Variants in C10orf90 observed in about 807,000 individuals in gnomAD.
C10orf90 encodes the protein chromosome 10 open reading frame 90.
A neutral mutation model predicts 62.5 loss-of-function variants in C10orf90; 56 were observed. The ratio of observed to expected loss-of-function variants is 0.90; its 90% confidence interval spans 0.72 to 1.12. The LOEUF is 1.12. Among genes scored for constraint, C10orf90 ranks in the 50% most tolerant of loss-of-function variants. The probability of loss-of-function intolerance (pLI) is 0.00; values close to 1 mark genes in which losing one functional copy is unlikely to be tolerated. For synonymous variants in C10orf90, 386 were observed against 340.4 expected, an observed-to-expected ratio of 1.13 and a Z score of -1.47; for missense variants, 970 against 880.4, an observed-to-expected ratio of 1.10 and a Z score of -1.29.
chr10:126,471,377 G>A (rs1172816466), intron 4 of C10orf90, among the ~76,000 whole-genome samples: 3 of 152,186 alleles, frequency 2.0e-5, no homozygotes, highest in East Asian at 1.9e-4. Flanking sequence ...TGCTATAAAC[G>A]TCAACCATTA....
At chr10:126,443,131 C>A (rs1271300215) in intron 7 of C10orf90, among the ~76,000 whole-genome samples, 1 of 151,956 alleles carries the variant, frequency 6.6e-6, no homozygotes, top group African/African-American at 2.4e-5. Context: ...ACAAATCAAA[C>A]CCCAACCCAG....
At chr10:126,625,533 C>T (rs1425651315) in intron 2 of C10orf90, among the ~76,000 whole-genome samples, 2 of 152,124 alleles carry the variant, frequency 1.3e-5, no homozygotes, top group Non-Finnish European at 2.9e-5. Flanking sequence ...GCACTCCTGC[C>T]CCCCTTCTCC....
At chr10:126,637,348 A>C (rs1457140789) in intron 2 of C10orf90, among the ~76,000 whole-genome samples, 1 of 152,170 alleles carries the variant, frequency 6.6e-6, no homozygotes, top group African/African-American at 2.4e-5. Flanking sequence ...TGCCCCACCC[A>C]GACTTCATCC....
At position 126,504,410 on chromosome 10, in the gene C10orf90, T is replaced by C. The variant is rs1564839969; in HGVS notation, c.1081A>G (p.Ile361Val). 1.2e-6 allele frequency: 2 copies of C among 1,614,152 alleles called. No individual in the cohort carries two copies. Among genetic ancestry groups the C allele is most frequent in the East Asian group, 2.2e-5 (1 of 44,870 alleles). ...LRVSQQCPDS[I>V]YYVDKSLSVP... ...GAGAGAGACTTGTCTACGTAATAGA[T>C]TGAATCTGGACACTGCTGAGACACC... The change falls in exon 4 of 10, where the codon ATC (isoleucine) becomes GTC (valine). Residue 361 changes from isoleucine (I) to valine (V), a missense_variant. By Grantham distance (29) the Ile-to-Val change is conservative (BLOSUM62 3). Coordinates refer to ENST00000488181, the MANE Select transcript of C10orf90 (RefSeq NM_001350921.2). This position sits in a 1 kb window ranked among gnomAD's most constrained non-coding sequence, Gnocchi z 4.1.
chr10:126,601,967 T>C (rs1264541656), intron 2 of C10orf90, among the ~76,000 whole-genome samples: 1 of 152,202 alleles, frequency 6.6e-6, no homozygotes. Context: ...GTCCTAAAGA[T>C]GAATAAACAG....
At chr10:126,506,993 C>A (rs1207261895) in intron 3 of C10orf90, among the ~76,000 whole-genome samples, 2 of 151,774 alleles carry the variant, frequency 1.3e-5, no homozygotes, top group African/African-American at 4.8e-5. Flanking sequence ...TCCTCAGAGT[C>A]AGGCATGGGA....
chr10:126,461,419 T>C lies in C10orf90; in HGVS notation c.1992A>G (p.Ala664=), dbSNP rs1034150512. 3.3e-5 allele frequency: 54 copies of C among 1,613,948 alleles called. No homozygotes were observed. Among genetic ancestry groups the C allele is most frequent in the Non-Finnish European group, 4.0e-5 (47 of 1,179,982 alleles). The change falls in exon 6 of 10, where the codon GCA becomes GCG. Residue 664 remains alanine, a synonymous_variant. Transcript: ENST00000488181. ...EDCSESQQTP[A]RSLTLQEALE... ...GCCTTACTTGCAAGGTCAAAGATCT[T>C]GCAGGCGTTTGCTGAGACTCAGAAC...
chr10:126,619,363 G>A (rs775412340), intron 2 of C10orf90, among the ~76,000 whole-genome samples: 9 of 152,156 alleles, frequency 5.9e-5, no homozygotes, highest in Non-Finnish European at 8.8e-5. Context: ...AGCACTGACC[G>A]CTCAACAGTT....
chr10:126,658,435 G>C (rs962444953), intron 1 of C10orf90, among the ~76,000 whole-genome samples: 1 of 152,186 alleles, frequency 6.6e-6, no homozygotes, highest in Non-Finnish European at 1.5e-5. Context: ...CAGTTGAGTT[G>C]TTGTTTGCAG....
At chr10:126,633,178 A>C (rs2133832421) in intron 2 of C10orf90, among the ~76,000 whole-genome samples, 1 of 152,312 alleles carries the variant, frequency 6.6e-6, no homozygotes, top group South Asian at 2.1e-4. Context: ...CAGGTTCTGC[A>C]GGCATTTTCC....
At chr10:126,528,285 T>A (rs1864002746) in intron 2 of C10orf90, among the ~76,000 whole-genome samples, 1 of 152,052 alleles carries the variant, frequency 6.6e-6, no homozygotes, top group Non-Finnish European at 1.5e-5. Context: ...AAGAGAGAGA[T>A]AATACTTACC....
At chr10:126,612,213 C>T (rs1057247076) in intron 2 of C10orf90, among the ~76,000 whole-genome samples, 5 of 152,096 alleles carry the variant, frequency 3.3e-5, no homozygotes, top group Admixed American at 6.5e-5. Context: ...CCCAGCTACT[C>T]GGGTGGCTGA....
intron 2 of C10orf90, among the ~76,000 whole-genome samples, chr10:126,630,452 GC>G (rs1302386246): frequency 2.0e-5 from 3 of 152,170 alleles, no homozygotes; most frequent in Non-Finnish European, 2.9e-5. Flanking sequence ...GGGGTCCTGG[GC>G]TTGGCGATGG....
At chr10:126,654,335 A>T (rs1024052017) in intron 1 of C10orf90, among the ~76,000 whole-genome samples, 14 of 152,212 alleles carry the variant, frequency 9.2e-5, no homozygotes, top group African/African-American at 3.1e-4. Flanking sequence ...TTTTCTGGAT[A>T]ACTTGCAGCA....
At chr10:126,465,023 A>G (rs761234593) in intron 4 of C10orf90, 37 bp from the exon 5 acceptor site, 2 of 1,581,896 alleles carry the variant, frequency 1.3e-6, no homozygotes, top group Non-Finnish European at 1.7e-6. Flanking sequence ...AAAATCTCTT[A>G]TGAATCCAAT....
At chr10:126,638,078 T>C (rs1845987794) in intron 2 of C10orf90, among the ~76,000 whole-genome samples, 3 of 152,126 alleles carry the variant, frequency 2.0e-5, no homozygotes, top group Admixed American at 1.3e-4. Flanking sequence ...AACAGCGGTG[T>C]CGTTGCTGAC....
intron 2 of C10orf90, among the ~76,000 whole-genome samples, chr10:126,525,047 T>C (rs1865906): frequency 0.065 from 9,879 of 152,234 alleles, 1,049 homozygotes; most frequent in African/African-American, 0.22. Flanking sequence ...CAGAAAGAGA[T>C]GCCACCCTCA....
chr10:126,593,419 A>G (rs1050119112), intron 2 of C10orf90, among the ~76,000 whole-genome samples: 1 of 152,248 alleles, frequency 6.6e-6, no homozygotes, highest in Non-Finnish European at 1.5e-5. Flanking sequence ...TGTTATTCTC[A>G]GCAAACTAAC....
At chr10:126,653,623 G>T (rs1846334483) in intron 1 of C10orf90, among the ~76,000 whole-genome samples, 1 of 152,040 alleles carries the variant, frequency 6.6e-6, no homozygotes, top group African/African-American at 2.4e-5. Context: ...CATCCATGAG[G>T]GTTGGAATCA....
Sources: gnomAD v4.1 joint callset for allele counts (sites outside exome capture counted in the v4.1 genomes callset) on GRCh38, gnomAD v4.1.1 for gene constraint, Gnocchi (gnomAD v3.1) non-coding constraint, MANE v1.5 for transcripts, NCBI Gene and HGNC (gene_info 2026-07-23, HGNC 2026-07-21) for gene names.